Variants in EIF4A1 observed in about 807,000 individuals in gnomAD.
EIF4A1 encodes eukaryotic initiation factor 4A-I.
A neutral mutation model predicts 53.5 loss-of-function variants in EIF4A1; 11 were observed. That is an observed-to-expected ratio of 0.21 (90% CI 0.13 to 0.34). The LOEUF (loss-of-function observed/expected upper bound fraction) is 0.34, where lower values mean the gene tolerates loss of function less well. EIF4A1 is among the 10% of genes least tolerant of loss of function. The pLI, the probability that EIF4A1 is intolerant of heterozygous loss-of-function variation, is 1.00. For missense variants in EIF4A1, 213 were observed against 530.8 expected, an observed-to-expected ratio of 0.40 and a Z score of 5.88; for synonymous variants, 237 against 186.7, an observed-to-expected ratio of 1.27 and a Z score of -2.20.
intron 1 of EIF4A1, 79 bp downstream of exon 1, chr17:7,572,943 A>G: frequency 4.3e-6 from 7 of 1,612,896 alleles, no homozygotes; most frequent in South Asian, 1.1e-5. Flanking sequence ...GGTAGCTGAG[A>G]GGCCCACCAG....
rs772935124 is a variant in EIF4A1, at chr17:7,576,809, C to G, written c.514+117C>G. ...TGCTGGTTTCTCTCTGGGGGAAGAG[C>G]TGCTCTGTGATGGAGCCCATGCGTG... On this transcript the variant is annotated intron_variant, in intron 5 of 10. Coordinates refer to ENST00000293831, the MANE Select transcript of EIF4A1 (RefSeq NM_001416.4). 10 of 1,529,542 alleles carry G rather than the reference C, an allele frequency of 6.5e-6. No homozygotes were observed. The Admixed American group carries it at 1.7e-4, about 26-fold the overall frequency. 94.7% of individuals were successfully genotyped at this position (1,529,542 alleles called of 1,614,324 possible). A position where few individuals can be genotyped will look rare whatever the true frequency, so the allele number is the denominator to read the frequency against.
rs753405738 is a variant in EIF4A1, at chr17:7,574,635, G to A, written c.162G>A (p.Lys54=). The stretch of plus-strand genomic sequence containing the variant: ...GCATCTACGCGTATGGTTTTGAGAA[G>A]CCCTCTGCCATCCAGCAGCGAGCCA... ...LRGIYAYGFE[K]PSAIQQRAIL... Residue 54 remains lysine (K), a synonymous_variant, in exon 3 of 11, where the codon AAG becomes AAA. Coordinates refer to ENST00000293831, the MANE Select transcript of EIF4A1 (RefSeq NM_001416.4). The A allele has an allele frequency of 1.6e-4, 258 of 1,612,310 alleles. No homozygotes were observed. Among genetic ancestry groups the A allele is most frequent in the Non-Finnish European group, 2.2e-4 (256 of 1,180,008 alleles).
rs367816884 is a variant in EIF4A1, at chr17:7,577,940, A to G, written c.996+24A>G. The G allele has an allele frequency of 6.2e-7, 1 of 1,613,894 alleles. No individual in the cohort carries two copies. On this transcript the variant is annotated intron_variant, in intron 9 of 10. Coordinates refer to ENST00000293831, the MANE Select transcript of EIF4A1 (RefSeq NM_001416.4). The surrounding 1 kb of genome is among the most constrained non-coding windows in gnomAD (Gnocchi z 4.7). ...TGGTGAGTAGAGGGAACTGATAGCA[A>G]AGGCAGAAGGGAGGATCCAAGGTGA...
chr17:7,578,007 C>A, intron 9 of EIF4A1, 91 bp downstream of exon 9: 2 of 1,582,756 alleles, frequency 1.3e-6, no homozygotes, highest in Non-Finnish European at 1.7e-6. Context: ...AGGAAAGTAG[C>A]AGCTTGGAAT....
chr17:7,574,389 T>G (rs767257939), intron 2 of EIF4A1, 81 bp downstream of exon 2: 90 of 1,610,072 alleles, frequency 5.6e-5, no homozygotes, highest in Non-Finnish European at 7.1e-5. Context: ...CTTGATTGAT[T>G]TCCCAGATCA....
At position 7,577,216 on chromosome 17, in the gene EIF4A1, G is replaced by A. The variant is rs2071414423; in HGVS notation, c.624+51G>A. 6.4e-7 allele frequency: 1 copy of A among 1,571,806 alleles called. No individual in the cohort carries two copies. Among genetic ancestry groups the A allele is most frequent in the South Asian group, 1.2e-5 (1 of 83,068 alleles). On this transcript the variant is annotated intron_variant, in intron 6 of 10. Coordinates refer to ENST00000293831, the MANE Select transcript of EIF4A1 (RefSeq NM_001416.4). The surrounding 1 kb of genome is among the most constrained non-coding windows in gnomAD (Gnocchi z 4.7). ...TAATGATTCTTGAAAAATAGTAAGT[G>A]CCAGGGGAACCATATACTGGATTCT...
At chr17:7,574,508 T>C in intron 2 of EIF4A1, 38 bp from the exon 3 acceptor site, 1 of 1,612,764 alleles carries the variant, frequency 6.2e-7, no homozygotes, top group Non-Finnish European at 8.5e-7. Flanking sequence ...GCTCCACCTT[T>C]TCCATGACTC....
intron 1 of EIF4A1, chr17:7,573,842 G>T (rs2071362033): frequency 1.2e-5 from 2 of 166,002 alleles, no homozygotes; most frequent in Non-Finnish European, 2.6e-5. Context: ...GACGTGGGGG[G>T]AAGGGGATGT....
chr17:7,576,299 C>G (rs1287467618), intron 4 of EIF4A1: 3 of 468,484 alleles, frequency 6.4e-6, no homozygotes, highest in Non-Finnish European at 1.1e-5. Context: ...TTGTGAATCA[C>G]TGTACACTCA....
At chr17:7,572,947 C>T (rs890269859) in intron 1 of EIF4A1, 83 bp downstream of exon 1, 2 of 1,612,438 alleles carry the variant, frequency 1.2e-6, no homozygotes, top group Non-Finnish European at 1.7e-6. Flanking sequence ...GCTGAGAGGC[C>T]CACCAGGGTT....
chr17:7,574,413 G>A (rs532830647), intron 2 of EIF4A1, 105 bp downstream of exon 2: 3 of 1,605,020 alleles, frequency 1.9e-6, no homozygotes, highest in East Asian at 2.2e-5. Flanking sequence ...AGAAGCAGCT[G>A]GTTTCCCTAA....
chr17:7,574,967 T>G, intron 3 of EIF4A1, 152 bp from the exon 4 acceptor site: 1 of 1,162,164 alleles, frequency 8.6e-7, no homozygotes, highest in South Asian at 1.3e-5. Flanking sequence ...TCTGATCTGG[T>G]TCCCATTGTG....
At chr17:7,574,478 T>G (rs2071373193) in intron 2 of EIF4A1, 68 bp from the exon 3 acceptor site, 1 of 1,605,448 alleles carries the variant, frequency 6.2e-7, no homozygotes, top group East Asian at 2.2e-5. Context: ...AGATTCTGTT[T>G]GCTCGGAGAC....
chr17:7,574,813 C>G, intron 3 of EIF4A1, 135 bp downstream of exon 3: 1 of 1,431,704 alleles, frequency 7.0e-7, no homozygotes, highest in Non-Finnish European at 9.7e-7. Flanking sequence ...GCTTTTGATC[C>G]GTGCCCATGC....
intron 1 of EIF4A1, 150 bp downstream of exon 1, chr17:7,573,014 G>A: frequency 7.0e-7 from 1 of 1,438,670 alleles, no homozygotes; most frequent in South Asian, 1.2e-5. Flanking sequence ...CGAGGGGGAA[G>A]ACCCACGGCC....
chr17:7,578,874 G>C lies in EIF4A1; in HGVS notation c.*388G>C, dbSNP rs766422287. The C allele has an allele frequency of 6.0e-6, 1 of 167,240 alleles. No individual in the cohort carries two copies. The highest frequency in any genetic ancestry group is 1.3e-5 in the Non-Finnish European group (1 of 77,652). The allele number at this position is 167,240 out of a possible 1,614,324, so 10.4% of individuals were successfully genotyped here. A position where few individuals can be genotyped will look rare whatever the true frequency, so the allele number is the denominator to read the frequency against. Reference sequence around the variant, plus strand: ...ACCCCTAAAACCCCTAAGTGAGGTTGCCCAGGGGGTTGTCCCCAGGTGGGG... The same window carrying C: ...ACCCCTAAAACCCCTAAGTGAGGTTCCCCAGGGGGTTGTCCCCAGGTGGGG... On this transcript the variant is annotated 3_prime_UTR_variant, in exon 11 of 11. Transcript: ENST00000293831.
chr17:7,575,961 T>G (rs552281771), intron 4 of EIF4A1: 10 of 158,842 alleles, frequency 6.3e-5, no homozygotes, highest in African/African-American at 2.4e-4. Flanking sequence ...TCTCTTGAGA[T>G]CAGGAGTTGG....
In EIF4A1 at chr17:7,575,430, T is replaced by C. The variant is rs1208378625; in HGVS notation, c.345+172T>C. On this transcript the variant is annotated intron_variant, in intron 4 of 10. Coordinates refer to ENST00000293831, the MANE Select transcript of EIF4A1 (RefSeq NM_001416.4). ...GCTATTTCTTACCCAAACGTAACCATTGCTTCCTCCACCCATTTCCTGAGT... is the reference window on the plus strand; with the variant it reads ...GCTATTTCTTACCCAAACGTAACCACTGCTTCCTCCACCCATTTCCTGAGT... The C allele has an allele frequency of 3.5e-5, 35 of 1,009,570 alleles. 1 individual carries two copies. The highest frequency in any genetic ancestry group is 8.2e-5 in the South Asian group (6 of 73,238). The allele number at this position is 1,009,570 out of a possible 1,614,324, so 62.5% of individuals were successfully genotyped here.
At chr17:7,576,460 C>T (rs1039795779) in intron 4 of EIF4A1, 64 bp from the exon 5 acceptor site, 9 of 1,480,066 alleles carry the variant, frequency 6.1e-6, no homozygotes, top group Admixed American at 2.6e-5. Context: ...ACATGAAAAA[C>T]ATTTAAGAAT....
Sources: allele counts gnomAD v4.1 joint callset, GRCh38; gene constraint gnomAD v4.1.1; non-coding constraint Gnocchi (gnomAD v3.1); transcripts MANE v1.5; gene names NCBI Gene and HGNC (gene_info 2026-07-23, HGNC 2026-07-21).